Variants in CNTNAP4 observed in about 807,000 individuals in gnomAD.
CNTNAP4 encodes the protein contactin associated protein family member 4.
A neutral mutation model predicts 148.4 loss-of-function variants in CNTNAP4; 98 were observed. The ratio of observed to expected loss-of-function variants is 0.66; its 90% CI spans 0.56 to 0.78. The LOEUF (loss-of-function observed/expected upper bound fraction) is 0.78. Among genes scored for constraint, CNTNAP4 ranks in the 30% least tolerant of loss-of-function variants. The pLI, the probability that CNTNAP4 is intolerant of heterozygous loss-of-function variation, is 0.00. For synonymous variants in CNTNAP4, 730 were observed against 565.1 expected, an observed-to-expected ratio of 1.29 and a Z score of -4.14; for missense variants, 1,935 against 1,565.6, an observed-to-expected ratio of 1.24 and a Z score of -3.98.
chr16:76,358,265 G>T (rs1285891199), intron 3 of CNTNAP4, among the ~76,000 whole-genome samples: 1 of 152,188 alleles, frequency 6.6e-6, no homozygotes, highest in East Asian at 1.9e-4. Context: ...GAACCTGGGA[G>T]GCAGAGGTTG....
chr16:76,404,087 A>G lies in CNTNAP4; in HGVS notation c.391-23365A>G, dbSNP rs552992815. 7.2e-5 allele frequency among the ~76,000 whole-genome samples: 11 copies of G among 152,266 alleles called. No individual in the cohort carries two copies. The South Asian group carries it at 1.4e-3, about 20-fold the overall frequency. On this transcript the variant is annotated intron_variant, in intron 3 of 23. Coordinates refer to ENST00000611870, the MANE Select transcript of CNTNAP4 (RefSeq NM_033401.5). ...ATGGAGACGAGCAGAAAAATTAACT[A>G]TTGGGTACCAGGCGTAATACGTGGG...
chr16:76,540,432 T>C (rs916678728), intron 20 of CNTNAP4, among the ~76,000 whole-genome samples: 1 of 151,860 alleles, frequency 6.6e-6, no homozygotes, highest in Non-Finnish European at 1.5e-5. Context: ...AAAAATAAAA[T>C]GATACAAGGG....
intron 3 of CNTNAP4, among the ~76,000 whole-genome samples, chr16:76,367,262 A>G (rs959089813): frequency 2.6e-5 from 4 of 151,896 alleles, no homozygotes; most frequent in African/African-American, 9.7e-5. Context: ...TTATATCAAA[A>G]TAGATTTAAT....
chr16:76,303,524 A>C (rs994397300), intron 1 of CNTNAP4, among the ~76,000 whole-genome samples: 1 of 152,210 alleles, frequency 6.6e-6, no homozygotes, highest in African/African-American at 2.4e-5. Context: ...GAAGTAGCAC[A>C]TACTTAGGAG....
intron 2 of CNTNAP4, among the ~76,000 whole-genome samples, chr16:76,334,088 G>A (rs561552787): frequency 5.9e-5 from 9 of 151,756 alleles, no homozygotes; most frequent in Non-Finnish European, 1.3e-4. Context: ...ACTAAATGAC[G>A]AGTTAATGGA....
At chr16:76,426,375 A>G (rs1354045795) in intron 3 of CNTNAP4, among the ~76,000 whole-genome samples, 1 of 152,196 alleles carries the variant, frequency 6.6e-6, no homozygotes, top group Non-Finnish European at 1.5e-5. Context: ...TGACCCAGTC[A>G]TAGGCAAGGG....
intron 3 of CNTNAP4, among the ~76,000 whole-genome samples, chr16:76,405,776 T>A (rs999971219): frequency 1.1e-4 from 17 of 152,142 alleles, no homozygotes; most frequent in African/African-American, 2.9e-4. Flanking sequence ...AGGGGTCAAC[T>A]GTATTTTGGA....
At chr16:76,323,914 C>A (rs993754764) in intron 2 of CNTNAP4, among the ~76,000 whole-genome samples, 3 of 152,206 alleles carry the variant, frequency 2.0e-5, no homozygotes, top group Non-Finnish European at 4.4e-5. Context: ...AAGGAAATGA[C>A]ATTACCTCTC....
At chr16:76,415,894 T>C (rs2078958422) in intron 3 of CNTNAP4, among the ~76,000 whole-genome samples, 1 of 150,348 alleles carries the variant, frequency 6.7e-6, no homozygotes, top group Non-Finnish European at 1.5e-5. Flanking sequence ...TTATGTCTTT[T>C]ATTGAGTAAT....
chr16:76,355,278 T>C (rs1180240888), intron 2 of CNTNAP4, 40 bp from the exon 3 acceptor site: 2 of 1,441,602 alleles, frequency 1.4e-6, no homozygotes, highest in African/African-American at 2.9e-5. Context: ...TAACTAACTT[T>C]CCTTTCTCAA....
chr16:76,296,059 T>C lies in CNTNAP4; in HGVS notation c.85+18312T>C, dbSNP rs577377298. 2.3e-3 allele frequency among the ~76,000 whole-genome samples: 349 copies of C among 152,340 alleles called. 4 individuals are homozygous for C. The highest frequency in any genetic ancestry group is 2.2e-3 in the Non-Finnish European group (152 of 68,028). ...CTAAACTTCTCTACAAAGGATCGTA[T>C]TTAAAAGCTTTTTTGAGATTGTGTG... On this transcript the variant is annotated intron_variant, in intron 1 of 23. Transcript: ENST00000611870.
intron 17 of CNTNAP4, among the ~76,000 whole-genome samples, chr16:76,532,369 T>C (rs981846874): frequency 3.9e-5 from 6 of 152,168 alleles, no homozygotes; most frequent in Non-Finnish European, 8.8e-5. Context: ...TGGACCAATC[T>C]TTGAAATTCT....
At chr16:76,409,890 AC>A (rs2078731484) in intron 3 of CNTNAP4, among the ~76,000 whole-genome samples, 1 of 151,912 alleles carries the variant, frequency 6.6e-6, no homozygotes, top group African/African-American at 2.4e-5. Context: ...TAATCACTAT[AC>A]AACACAACAA....
At position 76,474,634 on chromosome 16, in the gene CNTNAP4, G is replaced by C. The variant is rs187440244; in HGVS notation, c.1656-1305G>C. 1.8e-3 allele frequency among the ~76,000 whole-genome samples: 271 copies of C among 152,206 alleles called. 1 individual carries two copies. Among genetic ancestry groups the C allele is most frequent in the African/African-American group, 6.0e-3 (249 of 41,546 alleles). ...AGTCGTTAATCTGTAATGAATGAGGGCATTTAAAGTCTTGATCTCAGTGTA... is the reference window on the plus strand; with the variant it reads ...AGTCGTTAATCTGTAATGAATGAGGCCATTTAAAGTCTTGATCTCAGTGTA... On this transcript the variant is annotated intron_variant, in intron 10 of 23. Coordinates refer to ENST00000611870, the MANE Select transcript of CNTNAP4 (RefSeq NM_033401.5).
At chr16:76,376,604 C>T (rs1390054130) in intron 3 of CNTNAP4, among the ~76,000 whole-genome samples, 1 of 152,170 alleles carries the variant, frequency 6.6e-6, no homozygotes, top group Non-Finnish European at 1.5e-5. Context: ...GAGAGCCCAG[C>T]GTTGGCCAAA....
chr16:76,422,607 A>G (rs1474355411), intron 3 of CNTNAP4, among the ~76,000 whole-genome samples: 2 of 151,376 alleles, frequency 1.3e-5, no homozygotes, highest in Non-Finnish European at 2.9e-5. Flanking sequence ...ATGCCTTTTG[A>G]TGGCTTAGCT....
Position 76,393,740 on chromosome 16 carries a change from G to C in CNTNAP4, c.391-33712G>C, listed in dbSNP as rs545203565. 1.2e-4 allele frequency among the ~76,000 whole-genome samples: 18 copies of C among 152,204 alleles called. No individual in the cohort carries two copies. The South Asian group carries it at 2.3e-3, about 19-fold the overall frequency. On this transcript the variant is annotated intron_variant, in intron 3 of 23. Coordinates refer to ENST00000611870, the MANE Select transcript of CNTNAP4 (RefSeq NM_033401.5). ...TGTGGGGCAGAGGGTATCCTGGGCT[G>C]TGTTCCCCACTTTCCTAAGAAGAGA...
chr16:76,557,281 A>G (rs1356932346), intron 23 of CNTNAP4: 1 of 152,198 alleles, frequency 6.6e-6, no homozygotes, highest in Non-Finnish European at 1.5e-5. Flanking sequence ...CATTCATTTT[A>G]GAGAAAATGT....
chr16:76,338,576 C>T (rs994735318), intron 2 of CNTNAP4, among the ~76,000 whole-genome samples: 1 of 152,170 alleles, frequency 6.6e-6, no homozygotes, highest in East Asian at 1.9e-4. Flanking sequence ...GCTCTCCACA[C>T]CCTGAACTTC....
Sources: gnomAD v4.1 joint callset for allele counts (sites outside exome capture counted in the v4.1 genomes callset) on GRCh38, gnomAD v4.1.1 for gene constraint, MANE v1.5 for transcripts, NCBI Gene and HGNC (gene_info 2026-07-23, HGNC 2026-07-21) for gene names.